GALNT12: variants seen among roughly 807,000 people sequenced by gnomAD.
GALNT12 encodes the protein polypeptide N-acetylgalactosaminyltransferase 12.
Under a neutral mutation model 55.5 loss-of-function variants are expected in GALNT12, and 45 were observed. The observed-to-expected ratio is 0.81, with a 90% confidence interval of 0.64 to 1.04. The LOEUF is 1.04. Among genes scored for constraint, GALNT12 ranks in the 50% least tolerant of loss-of-function variants. The probability of loss-of-function intolerance (pLI) is 0.00; values close to 1 mark genes in which losing one functional copy is unlikely to be tolerated. For missense variants in GALNT12, 709 were observed against 754.8 expected (o/e 0.94, Z 0.71); for synonymous variants, 304 against 312.2 (o/e 0.97, Z 0.28).
chr9:98,807,722 G>A lies in GALNT12; in HGVS notation c.24G>A (p.Arg8=). 4 of 1,180,796 alleles carry A rather than the reference G, an allele frequency of 3.4e-6. No individual in the cohort carries two copies. Among genetic ancestry groups the A allele is most frequent in the Admixed American group, 4.3e-5 (1 of 23,418 alleles). 73.1% of individuals were successfully genotyped at this position (1,180,796 alleles called of 1,614,324 possible). ...GCATGTGGGGGCGCACGGCGCGGCG[G>A]CGCTGCCCGCGGGAACTGCGGCGCG... MWGRTAR[R]RCPRELRRGR... The change falls in exon 1 of 10, where the codon CGG becomes CGA. Residue 8 remains arginine (R), a synonymous_variant. Coordinates refer to ENST00000375011, the MANE Select transcript of GALNT12 (RefSeq NM_024642.5).
At chr9:98,846,800 T>G (rs1836429142) in intron 9 of GALNT12, among the ~76,000 whole-genome samples, 1 of 137,612 alleles carries the variant, frequency 7.3e-6, no homozygotes, top group African/African-American at 2.8e-5. Flanking sequence ...GAGGTTGCAG[T>G]CAGCCGAAAT....
At chr9:98,808,098 C>T (rs753811085) in intron 1 of GALNT12, 29 bp downstream of exon 1, 7 of 1,532,276 alleles carry the variant, frequency 4.6e-6, no homozygotes, top group Non-Finnish European at 6.2e-6. Flanking sequence ...GGAGGAAGCC[C>T]GCCCTCAGAG....
At chr9:98,845,876 C>G (rs547574219) in intron 8 of GALNT12, 101 bp from the exon 9 acceptor site, 4 of 1,264,682 alleles carry the variant, frequency 3.2e-6, no homozygotes, top group African/African-American at 1.5e-5. Context: ...GGTGCATGAC[C>G]CCACCCATGC....
chr9:98,826,725 C>T (rs760779430), intron 2 of GALNT12, 27 bp from the exon 3 acceptor site: 9 of 1,605,190 alleles, frequency 5.6e-6, no homozygotes, highest in Non-Finnish European at 7.6e-6. Flanking sequence ...GTCACGGTGA[C>T]CCCTGTTGCT....
Position 98,833,270 on chromosome 9 carries a change from G to A in GALNT12, c.917+1313G>A, listed in dbSNP as rs559736058. On this transcript the variant is annotated intron_variant, in intron 4 of 9. Transcript: ENST00000375011. ...AGCCTCACCGCTGGTGTGTTGAACC[G>A]GAAGTAGGCTCTGAGTTTTGCGTCC... 9.2e-5 allele frequency among the ~76,000 whole-genome samples: 14 copies of A among 152,274 alleles called. 1 individual carries two copies. The Middle Eastern group carries it at 0.01, about 111-fold the overall frequency.
intron 3 of GALNT12, among the ~76,000 whole-genome samples, chr9:98,830,637 G>A (rs1326462260): frequency 6.6e-6 from 1 of 152,264 alleles, no homozygotes; most frequent in Non-Finnish European, 1.5e-5. Flanking sequence ...CAGCAGGTCT[G>A]ATGTTGGCCC....
At chr9:98,827,726 T>C (rs1041857914) in intron 3 of GALNT12, among the ~76,000 whole-genome samples, 11 of 152,200 alleles carry the variant, frequency 7.2e-5, no homozygotes, top group African/African-American at 2.4e-4. Flanking sequence ...AATATCATAA[T>C]AATGGGTATG....
Position 98,836,959 on chromosome 9 carries a change from T to C in GALNT12, c.1036-13T>C, listed in dbSNP as rs1238369947. The stretch of plus-strand genomic sequence containing the variant: ...CTGCTCACCACCTGGCCTCTCCTTT[T>C]CTCTGTGTGCAGATCTGGCAGTGTG... On this transcript the variant is annotated splice_polypyrimidine_tract_variant and intron_variant, in intron 5 of 9. Coordinates refer to ENST00000375011, the MANE Select transcript of GALNT12 (RefSeq NM_024642.5). 3.1e-6 allele frequency: 5 copies of C among 1,613,956 alleles called. No homozygotes were observed. The highest frequency in any genetic ancestry group is 4.2e-6 in the Non-Finnish European group (5 of 1,180,022).
At chr9:98,846,308 T>C (rs1417979267) in intron 9 of GALNT12, among the ~76,000 whole-genome samples, 185 bp downstream of exon 9, 1 of 152,078 alleles carries the variant, frequency 6.6e-6, no homozygotes, top group Non-Finnish European at 1.5e-5. Flanking sequence ...TGGCAGGAGA[T>C]TGGAGTCCCC....
Position 98,849,315 on chromosome 9 carries a change from T to G in GALNT12, c.*223T>G. On this transcript the variant is annotated 3_prime_UTR_variant, in exon 10 of 10. Transcript: ENST00000375011. ...TTTTAAATGTTCCAAAATACCCTAT[T>G]TTCAAAGGGTAATCGTAAGATGTTA... The G allele has an allele frequency of 1.7e-6, 1 of 605,216 alleles. No individual in the cohort carries two copies. Among genetic ancestry groups the G allele is most frequent in the Non-Finnish European group, 2.9e-6 (1 of 341,748 alleles). 37.5% of individuals were successfully genotyped at this position (605,216 alleles called of 1,614,324 possible).
chr9:98,844,663 G>T (rs1167325158), intron 8 of GALNT12: 2 of 224,518 alleles, frequency 8.9e-6, no homozygotes, highest in South Asian at 1.2e-4. Context: ...CTGCATTTCA[G>T]ATGATTTCCT....
chr9:98,843,851 G>A (rs961451873), intron 7 of GALNT12, among the ~76,000 whole-genome samples: 1 of 152,162 alleles, frequency 6.6e-6, no homozygotes, highest in South Asian at 2.1e-4. Context: ...GAGCTTTCAG[G>A]CCATGAAGAG....
intron 1 of GALNT12, among the ~76,000 whole-genome samples, chr9:98,816,707 A>G (rs963533986): frequency 4.7e-5 from 7 of 149,562 alleles, no homozygotes; most frequent in African/African-American, 1.7e-4. Flanking sequence ...CTGGAGTGCA[A>G]TGGCGCCATC....
intron 1 of GALNT12, 146 bp downstream of exon 1, chr9:98,808,215 T>A (rs1355643617): frequency 1.6e-6 from 1 of 617,370 alleles, no homozygotes; most frequent in Non-Finnish European, 2.7e-6. Flanking sequence ...GTGTAAGAGC[T>A]CACATGGGGG....
intron 2 of GALNT12, among the ~76,000 whole-genome samples, chr9:98,825,122 A>G (rs1295151567): frequency 2.0e-5 from 3 of 152,234 alleles, no homozygotes; most frequent in African/African-American, 7.2e-5. Flanking sequence ...GGTGCTTGGC[A>G]TTTAGTGAGC....
chr9:98,836,496 G>A (rs1784895747), intron 5 of GALNT12, among the ~76,000 whole-genome samples: 1 of 152,150 alleles, frequency 6.6e-6, no homozygotes, highest in Non-Finnish European at 1.5e-5. Context: ...TTCGCCTGTT[G>A]AGTCTTTGGG....
intron 9 of GALNT12, 35 bp downstream of exon 9, chr9:98,846,158 T>A: frequency 6.2e-7 from 1 of 1,612,840 alleles, no homozygotes; most frequent in Non-Finnish European, 8.5e-7. Flanking sequence ...CTGCTGACAG[T>A]CCCTGGGCTA....
intron 1 of GALNT12, among the ~76,000 whole-genome samples, chr9:98,814,459 A>C (rs966169471): frequency 6.6e-6 from 1 of 152,218 alleles, no homozygotes. Flanking sequence ...CTGTAATCCC[A>C]GAACTTTAGG....
intron 1 of GALNT12, among the ~76,000 whole-genome samples, chr9:98,811,663 CAA>C (rs368208840): frequency 1.3e-5 from 2 of 149,282 alleles, no homozygotes; most frequent in African/African-American, 4.9e-5. Context: ...GCTGGGATGG[CAA>C]AGAGTCTCGA....
Sources: gnomAD v4.1 joint callset for allele counts (sites outside exome capture counted in the v4.1 genomes callset) on GRCh38, gnomAD v4.1.1 for gene constraint, MANE v1.5 for transcripts, NCBI Gene and HGNC (gene_info 2026-07-23, HGNC 2026-07-21) for gene names.